WFDC2: variants seen among roughly 807,000 people sequenced by gnomAD.
WFDC2 encodes WAP four-disulfide core domain 2, also known as WAP four-disulfide core domain protein 2.
Under a neutral mutation model 12.5 loss-of-function variants are expected in WFDC2, and 8 were observed. The ratio of observed to expected loss-of-function variants is 0.64; its 90% confidence interval spans 0.37 to 1.15. The LOEUF (loss-of-function observed/expected upper bound fraction) is 1.15, where lower values mean the gene tolerates loss of function less well. Ranked by LOEUF, WFDC2 falls within the 50% of genes most tolerant of loss-of-function variation. The pLI is 0.01. For synonymous variants in WFDC2, 74 were observed against 67.2 expected (o/e 1.10, Z -0.49); for missense variants, 166 against 159.9 (o/e 1.04, Z -0.21).
chr20:45,469,892 G>C (rs1431233793), intron 1 of WFDC2, 32 bp downstream of exon 1: 1 of 1,570,736 alleles, frequency 6.4e-7, no homozygotes, highest in Admixed American at 1.9e-5. Context: ...CCGGCGCCTA[G>C]AGGGGCCGAG....
At chr20:45,473,126 T>C (rs1431107676) in intron 2 of WFDC2, among the ~76,000 whole-genome samples, 2 of 152,232 alleles carry the variant, frequency 1.3e-5, no homozygotes, top group Non-Finnish European at 2.9e-5. Flanking sequence ...TCCCATTCTG[T>C]AGGCTGCCTG....
At chr20:45,479,863 G>C (rs150529863) in intron 2 of WFDC2, 79 bp from the exon 3 acceptor site, 3 of 1,613,804 alleles carry the variant, frequency 1.9e-6, no homozygotes, top group South Asian at 1.1e-5. Flanking sequence ...GAGGGGCAGT[G>C]GGGGGGCCAT....
chr20:45,469,877 G>A lies in WFDC2; in HGVS notation c.79+17G>A. On this transcript the variant is annotated intron_variant, in intron 1 of 3. Coordinates refer to ENST00000372676, the MANE Select transcript of WFDC2 (RefSeq NM_006103.4). Reference sequence around the variant, plus strand: ...TAGTCTCAGGTGAGTGGGGCGGGGAGAGGCCCGGCGCCTAGAGGGGCCGAG... The same window carrying A: ...TAGTCTCAGGTGAGTGGGGCGGGGAAAGGCCCGGCGCCTAGAGGGGCCGAG... 6.3e-7 allele frequency: 1 copy of A among 1,593,042 alleles called. No homozygotes were observed. The highest frequency in any genetic ancestry group is 8.5e-7 in the Non-Finnish European group (1 of 1,170,412).
intron 3 of WFDC2, among the ~76,000 whole-genome samples, chr20:45,480,537 A>C (rs1991289838): frequency 6.6e-6 from 1 of 152,066 alleles, no homozygotes; most frequent in Non-Finnish European, 1.5e-5. Context: ...GAATTGCTTG[A>C]ACCTGGGAGA....
chr20:45,472,836 C>T (rs889697549), intron 2 of WFDC2, among the ~76,000 whole-genome samples: 2 of 152,238 alleles, frequency 1.3e-5, no homozygotes, highest in Non-Finnish European at 2.9e-5. Context: ...TATTTCTCCA[C>T]ATCCTCTCCA....
At chr20:45,478,009 C>T (rs1472024632) in intron 2 of WFDC2, among the ~76,000 whole-genome samples, 1 of 152,160 alleles carries the variant, frequency 6.6e-6, no homozygotes, top group Non-Finnish European at 1.5e-5. Context: ...ACGCCCCTCC[C>T]CCTACCAAGC....
At chr20:45,478,766 C>T (rs1991264651) in intron 2 of WFDC2, among the ~76,000 whole-genome samples, 1 of 152,098 alleles carries the variant, frequency 6.6e-6, no homozygotes, top group Non-Finnish European at 1.5e-5. Context: ...GCTGGGATTA[C>T]CGGTGCATGC....
At chr20:45,471,155 C>T (rs1182323943) in intron 2 of WFDC2, 6 of 471,288 alleles carry the variant, frequency 1.3e-5, no homozygotes, top group African/African-American at 1.2e-4. Flanking sequence ...CCTTTCAGGC[C>T]AACTGGCTGA....
Position 45,469,877 on chromosome 20 carries a change from GAGGCCCGGCGCC to G in WFDC2, c.79+18_79+29del, listed in dbSNP as rs761687086. 6.3e-7 allele frequency: 1 copy of G among 1,593,044 alleles called. No homozygotes were observed. Among genetic ancestry groups the G allele is most frequent in the Non-Finnish European group, 8.5e-7 (1 of 1,170,412 alleles). On this transcript the variant is annotated intron_variant, in intron 1 of 3. Transcript: ENST00000372676. ...TAGTCTCAGGTGAGTGGGGCGGGGA[GAGGCCCGGCGCC>G]TAGAGGGGCCGAGCCACGAGCGCCA...
At chr20:45,475,217 T>C (rs1412580575) in intron 2 of WFDC2, among the ~76,000 whole-genome samples, 1 of 152,210 alleles carries the variant, frequency 6.6e-6, no homozygotes, top group Non-Finnish European at 1.5e-5. Context: ...TGTCTTCTGC[T>C]AGCTTTTGAA....
chr20:45,478,814 G>A (rs1360761077), intron 2 of WFDC2, among the ~76,000 whole-genome samples: 1 of 151,248 alleles, frequency 6.6e-6, no homozygotes, highest in Non-Finnish European at 1.5e-5. Context: ...TTTTAGTAGA[G>A]CGGGGGGTCT....
rs772005457 is a variant in WFDC2, at chr20:45,470,474, C to T, written c.165C>T (p.Cys55=). The change falls in exon 2 of 4, where the codon TGC becomes TGT. Residue 55 remains cysteine, a synonymous_variant. Coordinates refer to ENST00000372676, the MANE Select transcript of WFDC2 (RefSeq NM_006103.4). This position sits in a 1 kb window ranked among gnomAD's most constrained non-coding sequence, Gnocchi z 5.4. ...CTQECVSDSE[C]ADNLKCCSAG... ...AAGAGTGCGTCTCGGACAGCGAATG[C>T]GCCGACAACCTCAAGTGCTGCAGCG... 2 of 1,596,626 alleles carry T rather than the reference C, an allele frequency of 1.3e-6. No individual in the cohort carries two copies. Among genetic ancestry groups the T allele is most frequent in the Non-Finnish European group, 8.5e-7 (1 of 1,171,158 alleles).
chr20:45,479,701 C>T lies in WFDC2; in HGVS notation c.224-241C>T, dbSNP rs372431714. 2.3e-4 allele frequency: 367 copies of T among 1,614,016 alleles called. 1 individual carries two copies. The East Asian group carries it at 3.6e-3, about 16-fold the overall frequency. On this transcript the variant is annotated intron_variant, in intron 2 of 3. Transcript: ENST00000372676. ...CTGGGAGATTTCTGGCCCTAGGCCA[C>T]GAAGGCCCACTTGGGACTCAAGCTG...
In WFDC2 at chr20:45,471,398, A is replaced by G. The variant is rs1456074520; in HGVS notation, c.223+866A>G. 1.3e-5 allele frequency: 4 copies of G among 317,432 alleles called. No individual in the cohort carries two copies. In the East Asian group the frequency reaches 3.3e-4, roughly 26 times the overall value. 19.7% of individuals were successfully genotyped at this position (317,432 alleles called of 1,614,324 possible). On this transcript the variant is annotated intron_variant, in intron 2 of 3. Coordinates refer to ENST00000372676, the MANE Select transcript of WFDC2 (RefSeq NM_006103.4). ...AATGCTGAGGATTAGAGGCAGGGAT[A>G]GGACCTGGAGAGAACCAAGGTACTG...
intron 2 of WFDC2, among the ~76,000 whole-genome samples, chr20:45,472,453 A>G (rs1372766289): frequency 6.6e-6 from 1 of 152,138 alleles, no homozygotes; most frequent in East Asian, 1.9e-4. Flanking sequence ...TGAACTCATC[A>G]TTTGTTATGG....
chr20:45,477,325 G>C (rs938403774), intron 2 of WFDC2, among the ~76,000 whole-genome samples: 3 of 152,110 alleles, frequency 2.0e-5, no homozygotes, highest in Non-Finnish European at 4.4e-5. Context: ...TCTACCTTTG[G>C]TCTTTGATGT....
intron 2 of WFDC2, among the ~76,000 whole-genome samples, chr20:45,472,118 CATT>C (rs1346827906): frequency 6.8e-6 from 1 of 146,132 alleles, no homozygotes; most frequent in African/African-American, 2.6e-5. Flanking sequence ...AACTTAACAA[CATT>C]TTTTTTTGTA....
chr20:45,472,263 C>A (rs1336794101), intron 2 of WFDC2, among the ~76,000 whole-genome samples: 1 of 152,156 alleles, frequency 6.6e-6, no homozygotes, highest in Admixed American at 6.5e-5. Flanking sequence ...TGCTATGCCT[C>A]CCCTAATTCC....
chr20:45,472,364 C>A (rs896621090), intron 2 of WFDC2, among the ~76,000 whole-genome samples: 1 of 152,130 alleles, frequency 6.6e-6, no homozygotes, highest in Non-Finnish European at 1.5e-5. Context: ...TGAGAACATG[C>A]GGTATTTGGT....
Sources: allele counts gnomAD v4.1 joint callset (sites outside exome capture counted in the v4.1 genomes callset), GRCh38; gene constraint gnomAD v4.1.1; non-coding constraint Gnocchi (gnomAD v3.1); transcripts MANE v1.5; gene names NCBI Gene and HGNC (gene_info 2026-07-23, HGNC 2026-07-21).